The following CMIP variants were observed in gnomAD, a reference collection of about 807,000 sequenced individuals.
CMIP encodes the protein C-Maf-inducing protein.
Under a neutral mutation model 97.3 loss-of-function variants are expected in CMIP, and 13 were observed. The ratio of observed to expected loss-of-function variants is 0.13; its 90% confidence interval spans 0.09 to 0.21. CMIP has a LOEUF of 0.21. Ranked by LOEUF, CMIP falls within the 10% of genes least tolerant of loss-of-function variation. CMIP has a pLI of 1.00. For missense variants in CMIP, 847 were observed against 1,024.9 expected (o/e 0.83, Z 2.37); for synonymous variants, 538 against 436.3 (o/e 1.23, Z -2.91).
chr16:81,460,152 C>T (rs1018404167), intron 1 of CMIP, among the ~76,000 whole-genome samples: 1 of 152,102 alleles, frequency 6.6e-6, no homozygotes, highest in Non-Finnish European at 1.5e-5. Context: ...TGCCTCTGGG[C>T]CCATGTTCTA....
intron 1 of CMIP, among the ~76,000 whole-genome samples, chr16:81,552,724 C>G (rs535457387): frequency 5.3e-5 from 8 of 152,314 alleles, no homozygotes; most frequent in African/African-American, 1.9e-4. Flanking sequence ...TTCTGGGGAT[C>G]AGGGCGAAGA....
chr16:81,472,653 C>T (rs1907630178), intron 1 of CMIP, among the ~76,000 whole-genome samples: 1 of 152,184 alleles, frequency 6.6e-6, no homozygotes, highest in South Asian at 2.1e-4. Context: ...TCAGAGGTGG[C>T]AGGTGCTAGG....
chr16:81,598,962 C>G (rs941590408), intron 1 of CMIP, among the ~76,000 whole-genome samples: 3 of 97,472 alleles, frequency 3.1e-5, no homozygotes, highest in African/African-American at 1.0e-4. Context: ...GAGCAAGACT[C>G]TGTCTCAAAA....
intron 1 of CMIP, among the ~76,000 whole-genome samples, chr16:81,559,464 A>C (rs998110257): frequency 2.6e-5 from 4 of 152,252 alleles, no homozygotes; most frequent in African/African-American, 9.6e-5. Context: ...AGTTCAGGTA[A>C]GGACAGAGAA....
chr16:81,657,917 C>G (rs900680657), intron 5 of CMIP, 101 bp downstream of exon 5: 4 of 948,254 alleles, frequency 4.2e-6, no homozygotes, highest in Middle Eastern at 2.2e-4. Context: ...CGTAATCCAC[C>G]AGCATCTGGC....
chr16:81,473,345 T>A (rs1328367113), intron 1 of CMIP, among the ~76,000 whole-genome samples: 1 of 152,190 alleles, frequency 6.6e-6, no homozygotes, highest in Non-Finnish European at 1.5e-5. Context: ...CTCTGTAATT[T>A]CCATGTCTGG....
chr16:81,543,238 G>A (rs907356227), intron 1 of CMIP, among the ~76,000 whole-genome samples: 1 of 152,338 alleles, frequency 6.6e-6, no homozygotes, highest in African/African-American at 2.4e-5. Flanking sequence ...TTCTGAGATG[G>A]CAAAGTGACA....
chr16:81,660,009 C>T (rs1019310438), intron 5 of CMIP, among the ~76,000 whole-genome samples: 8 of 152,112 alleles, frequency 5.3e-5, no homozygotes, highest in African/African-American at 1.2e-4. Context: ...GTTTTTTATG[C>T]GCTAATTTTT....
intron 1 of CMIP, among the ~76,000 whole-genome samples, chr16:81,548,032 C>T (rs968968144): frequency 2.0e-5 from 3 of 152,010 alleles, no homozygotes; most frequent in East Asian, 1.9e-4. Context: ...ATCATTACAG[C>T]GGCTGGCATT....
chr16:81,595,551 G>C lies in CMIP; in HGVS notation c.301-12016G>C, dbSNP rs144414445. On this transcript the variant is annotated intron_variant, in intron 1 of 20. Coordinates refer to ENST00000537098, the MANE Select transcript of CMIP (RefSeq NM_198390.3). ...CTACAGGTGGATGCCACCATGCCTG[G>C]CTTATTTTTGTGTTTTTAGTGGAGG... Among the ~76,000 whole-genome samples, 178 of 152,016 alleles carry C rather than the reference G, an allele frequency of 1.2e-3. 1 individual carries two copies. Among genetic ancestry groups the C allele is most frequent in the African/African-American group, 4.1e-3 (169 of 41,466 alleles).
intron 1 of CMIP, among the ~76,000 whole-genome samples, chr16:81,564,946 G>C (rs2090952543): frequency 6.6e-6 from 1 of 152,056 alleles, no homozygotes; most frequent in African/African-American, 2.4e-5. Flanking sequence ...GCAGGTGGGA[G>C]GCATGAACCT....
At chr16:81,637,900 C>T (rs1008994678) in intron 3 of CMIP, among the ~76,000 whole-genome samples, 1 of 152,164 alleles carries the variant, frequency 6.6e-6, no homozygotes, top group South Asian at 2.1e-4. Flanking sequence ...AGGGTGCCTT[C>T]TCGCTGTGTC....
chr16:81,495,436 G>A (rs1408481052), intron 1 of CMIP: 1 of 1,609,008 alleles, frequency 6.2e-7, no homozygotes, highest in Non-Finnish European at 8.5e-7. Context: ...TTTCCTGCGA[G>A]GAGGGAAGTT....
intron 1 of CMIP, among the ~76,000 whole-genome samples, chr16:81,556,093 A>G (rs1042959666): frequency 1.3e-5 from 2 of 152,158 alleles, no homozygotes; most frequent in Non-Finnish European, 2.9e-5. Context: ...GCGGTGAGCT[A>G]TTTGTTCTCT....
At chr16:81,557,285 A>G (rs955588839) in intron 1 of CMIP, among the ~76,000 whole-genome samples, 1 of 152,190 alleles carries the variant, frequency 6.6e-6, no homozygotes, top group African/African-American at 2.4e-5. Flanking sequence ...TGTTGGTTGA[A>G]TTCACTCGTG....
intron 1 of CMIP, among the ~76,000 whole-genome samples, chr16:81,600,336 A>G (rs1241325246): frequency 1.3e-5 from 2 of 151,898 alleles, no homozygotes; most frequent in Non-Finnish European, 2.9e-5. Flanking sequence ...CAAAAGATAG[A>G]GACAATCCAT....
At chr16:81,485,476 G>A (rs920272161) in intron 1 of CMIP, among the ~76,000 whole-genome samples, 17 of 152,298 alleles carry the variant, frequency 1.1e-4, no homozygotes, top group East Asian at 1.9e-4. Flanking sequence ...ACTGCTGGAC[G>A]TCCCAGCTTG....
At chr16:81,550,544 A>G (rs1009135111) in intron 1 of CMIP, among the ~76,000 whole-genome samples, 13 of 152,194 alleles carry the variant, frequency 8.5e-5, no homozygotes, top group Middle Eastern at 3.2e-3. Context: ...ATCCCGTCAA[A>G]GAATGTCTAT....
At chr16:81,636,883 T>A (rs2092243982) in intron 3 of CMIP, among the ~76,000 whole-genome samples, 1 of 131,898 alleles carries the variant, frequency 7.6e-6, no homozygotes, top group Non-Finnish European at 1.6e-5. Context: ...TTAGATCATA[T>A]ATATGTGTAT....
Sources: gnomAD v4.1 joint callset for allele counts (sites outside exome capture counted in the v4.1 genomes callset) on GRCh38, gnomAD v4.1.1 for gene constraint, MANE v1.5 for transcripts, NCBI Gene and HGNC (gene_info 2026-07-23, HGNC 2026-07-21) for gene names.